Variants in BIRC6 observed in about 807,000 individuals in gnomAD.
BIRC6 encodes the protein dual E2 ubiquitin-conjugating enzyme/E3 ubiquitin-protein ligase BIRC6.
Under a neutral mutation model 503.3 loss-of-function variants are expected in BIRC6, and 98 were observed. The observed-to-expected ratio is 0.19, with a 90% CI of 0.17 to 0.23. The LOEUF (loss-of-function observed/expected upper bound fraction) is 0.23. Ranked by LOEUF, BIRC6 falls within the 10% of genes least tolerant of loss-of-function variation. The pLI, the probability that BIRC6 is intolerant of heterozygous loss-of-function variation, is 1.00. For missense variants in BIRC6, 5,360 were observed against 5,806.0 expected, an observed-to-expected ratio of 0.92 and a Z score of 2.50; for synonymous variants, 2,240 against 2,078.7, an observed-to-expected ratio of 1.08 and a Z score of -2.11.
At chr2:32,473,751 ATTTTTTTT>A (rs1184435388) in intron 33 of BIRC6, among the ~76,000 whole-genome samples, 3 of 44,834 alleles carry the variant, frequency 6.7e-5, no homozygotes, top group Non-Finnish European at 1.3e-4. Flanking sequence ...GTGTGTGTGT[ATTTTTTTT>A]TTTTTTTTTT....
chr2:32,598,881 G>A (rs1296918128), intron 69 of BIRC6, among the ~76,000 whole-genome samples: 1 of 151,910 alleles, frequency 6.6e-6, no homozygotes, highest in Non-Finnish European at 1.5e-5. Context: ...AAATTGGCTG[G>A]CTGTGGTGGC....
intron 57 of BIRC6, chr2:32,522,456 G>A (rs1459892446): frequency 1.3e-5 from 2 of 152,066 alleles, no homozygotes; most frequent in African/African-American, 2.4e-5. Flanking sequence ...AAGACTTACT[G>A]TAATTATTGG....
chr2:32,593,849 A>T (rs1054497051), intron 66 of BIRC6, 66 bp from the exon 67 acceptor site: 27 of 1,342,632 alleles, frequency 2.0e-5, no homozygotes, highest in Non-Finnish European at 2.7e-5. Flanking sequence ...ATATTGATTT[A>T]TGGAGGTGTT....
Position 32,515,171 on chromosome 2 carries a change from A to G in BIRC6, c.10750A>G (p.Lys3584Glu), listed in dbSNP as rs2054898884. 1 of 1,613,986 alleles carries G rather than the reference A, an allele frequency of 6.2e-7. No homozygotes were observed. The highest frequency in any genetic ancestry group is 8.5e-7 in the Non-Finnish European group (1 of 1,179,880). The change falls in exon 55 of 74, where the codon AAA (lysine) becomes GAA (glutamate). Residue 3584 changes from lysine (K) to glutamate (E), a missense_variant. Coordinates refer to ENST00000421745, the MANE Select transcript of BIRC6 (RefSeq NM_016252.4). ...HHRLSMTDDS[K>E]KQDLSSSLTD... ...TAGACTGTCCATGACAGATGATAGC[A>G]AAAAGCAGGATCTTAGTTCATCTTT...
At chr2:32,373,636 G>T (rs180731198) in intron 1 of BIRC6, among the ~76,000 whole-genome samples, 83 of 152,268 alleles carry the variant, frequency 5.5e-4, no homozygotes, top group African/African-American at 1.7e-3. Flanking sequence ...TGCACTGCTG[G>T]TGGGAATATA....
chr2:32,445,440 G>C (rs2045857629), intron 20 of BIRC6, 81 bp from the exon 21 acceptor site: 1 of 1,328,974 alleles, frequency 7.5e-7, no homozygotes. Context: ...GAAGTATTCT[G>C]ATAAATAGGT....
intron 16 of BIRC6, among the ~76,000 whole-genome samples, chr2:32,440,962 T>C (rs753741865): frequency 1.3e-5 from 2 of 151,986 alleles, no homozygotes; most frequent in Non-Finnish European, 2.9e-5. Context: ...GGTTTCACTG[T>C]GTTGGTCAGG....
At chr2:32,532,015 GTC>G (rs2056803509) in intron 61 of BIRC6, 1 of 471,438 alleles carries the variant, frequency 2.1e-6, no homozygotes, top group Non-Finnish European at 4.2e-6. Flanking sequence ...AGCTGTCAAT[GTC>G]TGTGCTTTCC....
At chr2:32,609,781 T>G (rs2062731841) in intron 72 of BIRC6, among the ~76,000 whole-genome samples, 1 of 151,604 alleles carries the variant, frequency 6.6e-6, no homozygotes, top group Admixed American at 6.6e-5. Flanking sequence ...ATTTGTTTTA[T>G]GCATATCATT....
At chr2:32,467,294 G>A (rs2048660059) in intron 26 of BIRC6, among the ~76,000 whole-genome samples, 1 of 152,136 alleles carries the variant, frequency 6.6e-6, no homozygotes, top group Admixed American at 6.5e-5. Context: ...ACTGTGCCCA[G>A]CTACTCTTAA....
chr2:32,582,041 TAG>T (rs2060708696), intron 66 of BIRC6, among the ~76,000 whole-genome samples: 1 of 151,996 alleles, frequency 6.6e-6, no homozygotes, highest in Non-Finnish European at 1.5e-5. Flanking sequence ...GTATTTTTAG[TAG>T]AGAGGGGGTT....
chr2:32,461,869 C>T (rs144331288), intron 23 of BIRC6, among the ~76,000 whole-genome samples: 5 of 151,918 alleles, frequency 3.3e-5, no homozygotes, highest in Non-Finnish European at 5.9e-5. Context: ...AAAAACTTTG[C>T]CTAGTTAGTA....
At chr2:32,405,334 G>A (rs972730512) in intron 8 of BIRC6, among the ~76,000 whole-genome samples, 1 of 152,262 alleles carries the variant, frequency 6.6e-6, no homozygotes, top group East Asian at 1.9e-4. Flanking sequence ...GTAAATTACA[G>A]CATTAAATTG....
chr2:32,526,491 G>A (rs2056286871), intron 59 of BIRC6: 1 of 152,196 alleles, frequency 6.6e-6, no homozygotes. Flanking sequence ...AGAAAAACAA[G>A]CTGTTGGAGA....
Position 32,442,075 on chromosome 2 carries a change from T to C in BIRC6, c.3955T>C (p.Cys1319Arg). Residue 1319 changes from cysteine (C) to arginine (R), a missense_variant, in exon 18 of 74, where the codon TGT (cysteine) becomes CGT (arginine). By Grantham distance (180) the Cys-to-Arg change is radical (BLOSUM62 -3). Transcript: ENST00000421745. ...TSISKERVQR[C>R]AMLQFSEFHE... ...TTTCTTTTTTTGTAGAGTGCAACGATGTGCCATGTTACAGTTTTCAGAATT... is the reference window on the plus strand; with the variant it reads ...TTTCTTTTTTTGTAGAGTGCAACGACGTGCCATGTTACAGTTTTCAGAATT... The C allele has an allele frequency of 6.3e-7, 1 of 1,577,916 alleles. No individual in the cohort carries two copies. The highest frequency in any genetic ancestry group is 8.6e-7 in the Non-Finnish European group (1 of 1,167,508).
chr2:32,502,981 C>G (rs549016613), intron 48 of BIRC6, 61 bp from the exon 49 acceptor site: 2 of 1,516,056 alleles, frequency 1.3e-6, no homozygotes, highest in Non-Finnish European at 1.8e-6. Flanking sequence ...TGGAAGTTTA[C>G]TTTTGATGTT....
intron 65 of BIRC6, among the ~76,000 whole-genome samples, chr2:32,556,894 G>A (rs1284186170): frequency 1.3e-5 from 2 of 152,174 alleles, no homozygotes; most frequent in Admixed American, 6.5e-5. Flanking sequence ...AGTCAAGAAC[G>A]AGCCACTGCA....
In BIRC6 at chr2:32,392,295, C is replaced by T. The variant is rs2039330031; in HGVS notation, c.951+145C>T. 6 of 614,642 alleles carry T rather than the reference C, an allele frequency of 9.8e-6. No homozygotes were observed. In the South Asian group the frequency reaches 1.2e-4, roughly 12 times the overall value. The allele number at this position is 614,642 out of a possible 1,614,324, so 38.1% of individuals were successfully genotyped here. A position where few individuals can be genotyped will look rare whatever the true frequency, so the allele number is the denominator to read the frequency against. ...ATGCATGGATGCTTGTTTTTTTGGC[C>T]CAGGCTGGAGTGCAGCGCCACAATG... is the stretch of plus-strand genomic sequence containing the variant. On this transcript the variant is annotated intron_variant, in intron 5 of 73. Coordinates refer to ENST00000421745, the MANE Select transcript of BIRC6 (RefSeq NM_016252.4).
intron 5 of BIRC6, among the ~76,000 whole-genome samples, chr2:32,392,524 G>A (rs1441362068): frequency 6.6e-6 from 1 of 152,146 alleles, no homozygotes; most frequent in African/African-American, 2.4e-5. Flanking sequence ...CCAAAGTGCT[G>A]GGATTACAGG....
Sources: gnomAD v4.1 joint callset for allele counts (sites outside exome capture counted in the v4.1 genomes callset) on GRCh38, gnomAD v4.1.1 for gene constraint, MANE v1.5 for transcripts, NCBI Gene and HGNC (gene_info 2026-07-23, HGNC 2026-07-21) for gene names.